Variants in GPR158 observed in about 807,000 individuals in gnomAD.
GPR158 encodes metabotropic glycine receptor.
A neutral mutation model predicts 78.2 loss-of-function variants in GPR158; 30 were observed. The observed-to-expected ratio is 0.38, with a 90% CI of 0.29 to 0.52. The LOEUF is 0.52. GPR158 is among the 20% of genes least tolerant of loss of function. The pLI is 0.83. For synonymous variants in GPR158, 581 were observed against 591.1 expected (o/e 0.98, Z 0.25); for missense variants, 1,463 against 1,523.5 (o/e 0.96, Z 0.66).
At chr10:25,358,151 C>G (rs771868841) in intron 2 of GPR158, among the ~76,000 whole-genome samples, 10 of 152,064 alleles carry the variant, frequency 6.6e-5, no homozygotes, top group Non-Finnish European at 8.8e-5. Context: ...GCTTTATTTA[C>G]CCAATGCCTG....
At chr10:25,467,538 C>T (rs1045790705) in intron 5 of GPR158, among the ~76,000 whole-genome samples, 10 of 152,060 alleles carry the variant, frequency 6.6e-5, no homozygotes, top group African/African-American at 1.7e-4. Context: ...CATACTGTTA[C>T]GCCAGAGTCA....
At chr10:25,393,828 G>A (rs1450102189) in intron 2 of GPR158, 4 of 152,260 alleles carry the variant, frequency 2.6e-5, no homozygotes, top group South Asian at 4.1e-4. Flanking sequence ...TGTTGCAGCC[G>A]GATTACTCTC....
chr10:25,377,994 GTA>G (rs1164522969), intron 2 of GPR158, among the ~76,000 whole-genome samples: 1 of 152,088 alleles, frequency 6.6e-6, no homozygotes, highest in Non-Finnish European at 1.5e-5. Context: ...CCACCACAAT[GTA>G]TAAGCATTCC....
intron 4 of GPR158, among the ~76,000 whole-genome samples, chr10:25,416,959 G>T (rs1372635325): frequency 6.6e-6 from 1 of 152,060 alleles, no homozygotes; most frequent in Non-Finnish European, 1.5e-5. Flanking sequence ...ATGAGGGCAG[G>T]GATACTGTTC....
At chr10:25,320,271 A>G (rs1854928471) in intron 2 of GPR158, among the ~76,000 whole-genome samples, 1 of 152,140 alleles carries the variant, frequency 6.6e-6, no homozygotes, top group Admixed American at 6.5e-5. Context: ...TTAATAGTGG[A>G]CTTTTAATGG....
chr10:25,277,217 G>A (rs975446397), intron 2 of GPR158, among the ~76,000 whole-genome samples: 1 of 152,052 alleles, frequency 6.6e-6, no homozygotes, highest in African/African-American at 2.4e-5. Flanking sequence ...TTTCCAAGTA[G>A]CTGGGACCAC....
At chr10:25,478,490 ATGCG>A (rs1564466574) in intron 5 of GPR158, among the ~76,000 whole-genome samples, 1 of 138,030 alleles carries the variant, frequency 7.2e-6, no homozygotes, top group African/African-American at 3.1e-5. Flanking sequence ...GAAATATATA[ATGCG>A]TGTGTGTGTG....
intron 2 of GPR158, among the ~76,000 whole-genome samples, chr10:25,317,672 A>G (rs1187923158): frequency 6.7e-6 from 1 of 150,328 alleles, no homozygotes; most frequent in Non-Finnish European, 1.5e-5. Context: ...GGTTTAAATC[A>G]GCTGAATTGT....
intron 2 of GPR158, among the ~76,000 whole-genome samples, chr10:25,376,433 C>A (rs1247111568): frequency 6.6e-6 from 1 of 151,424 alleles, no homozygotes; most frequent in Non-Finnish European, 1.5e-5. Context: ...AATTATCTTT[C>A]CTCTTTGATT....
intron 2 of GPR158, among the ~76,000 whole-genome samples, chr10:25,381,361 A>G (rs1460100787): frequency 6.6e-6 from 1 of 152,238 alleles, no homozygotes; most frequent in Admixed American, 6.5e-5. Context: ...GATAATGAGC[A>G]TAGATAAATC....
intron 2 of GPR158, among the ~76,000 whole-genome samples, chr10:25,394,374 TA>T (rs1331952369): frequency 6.6e-6 from 1 of 152,252 alleles, no homozygotes; most frequent in African/African-American, 2.4e-5. Flanking sequence ...CCACAACTAA[TA>T]TGCTCTTTCC....
At chr10:25,546,441 G>A (rs1836662892) in intron 5 of GPR158, among the ~76,000 whole-genome samples, 1 of 151,984 alleles carries the variant, frequency 6.6e-6, no homozygotes, top group South Asian at 2.1e-4. Context: ...GGTCACCCAG[G>A]CTTAAAATAT....
intron 4 of GPR158, among the ~76,000 whole-genome samples, chr10:25,435,991 G>A (rs568969069): frequency 6.6e-6 from 1 of 152,184 alleles, no homozygotes; most frequent in South Asian, 2.1e-4. Context: ...TGGGGAACTG[G>A]GTGAAGAGTG....
chr10:25,250,989 G>A (rs914817786), intron 2 of GPR158, among the ~76,000 whole-genome samples: 2 of 151,512 alleles, frequency 1.3e-5, no homozygotes, highest in Admixed American at 1.3e-4. Context: ...TTATGAATCT[G>A]GGTGCTCCTG....
intron 5 of GPR158, among the ~76,000 whole-genome samples, chr10:25,525,139 C>T (rs1024139575): frequency 2.6e-5 from 4 of 151,944 alleles, no homozygotes; most frequent in Non-Finnish European, 4.4e-5. Flanking sequence ...TGAGTGTTGG[C>T]GAGGAGGTAG....
chr10:25,344,572 A>T (rs970476873), intron 2 of GPR158, among the ~76,000 whole-genome samples: 1 of 152,066 alleles, frequency 6.6e-6, no homozygotes, highest in Non-Finnish European at 1.5e-5. Context: ...ATTCATGGAT[A>T]AAACATTCTA....
At chr10:25,429,327 G>C (rs938664332) in intron 4 of GPR158, among the ~76,000 whole-genome samples, 2 of 151,988 alleles carry the variant, frequency 1.3e-5, no homozygotes, top group African/African-American at 4.8e-5. Flanking sequence ...TAAAATGCTA[G>C]AAGAAGTTTT....
At chr10:25,419,716 G>T (rs1048001967) in intron 4 of GPR158, among the ~76,000 whole-genome samples, 2 of 152,030 alleles carry the variant, frequency 1.3e-5, no homozygotes, top group African/African-American at 2.4e-5. Context: ...AGTGTGAAGT[G>T]GTATCTCATT....
chr10:25,209,898 T>A (rs1256266649), intron 1 of GPR158, among the ~76,000 whole-genome samples: 1 of 152,246 alleles, frequency 6.6e-6, no homozygotes, highest in Non-Finnish European at 1.5e-5. Context: ...CTGGGAGAAC[T>A]GTGTTCTTGG....
Sources: gnomAD v4.1 joint callset for allele counts (sites outside exome capture counted in the v4.1 genomes callset) on GRCh38, gnomAD v4.1.1 for gene constraint, MANE v1.5 for transcripts, NCBI Gene and HGNC (gene_info 2026-07-23, HGNC 2026-07-21) for gene names.